CACNA1I: variants seen among roughly 807,000 people sequenced by gnomAD.
The protein encoded by CACNA1I is voltage-dependent T-type calcium channel subunit alpha-1I.
CACNA1I carries 74 observed loss-of-function variants against 201.6 expected under a neutral mutation model. The ratio of observed to expected loss-of-function variants is 0.37; its 90% CI spans 0.30 to 0.45. The LOEUF (loss-of-function observed/expected upper bound fraction) is 0.45. Ranked by LOEUF, CACNA1I falls within the 20% of genes least tolerant of loss-of-function variation. The pLI is 1.00. For missense variants in CACNA1I, 2,346 were observed against 3,138.1 expected (o/e 0.75, Z 6.03); for synonymous variants, 1,431 against 1,345.2 (o/e 1.06, Z -1.40).
At chr22:39,673,161 C>G (rs1349532420) in intron 28 of CACNA1I, 79 bp downstream of exon 28, 13 of 898,756 alleles carry the variant, frequency 1.4e-5, no homozygotes, top group Non-Finnish European at 1.7e-5. Context: ...TGAGAACACA[C>G]AGGAGTGGGG....
chr22:39,578,821 T>A (rs560013853), intron 1 of CACNA1I, among the ~76,000 whole-genome samples: 1 of 152,308 alleles, frequency 6.6e-6, no homozygotes, highest in South Asian at 2.1e-4. Context: ...TTCTTTCCCT[T>A]GGGGTCCAGT....
intron 3 of CACNA1I, among the ~76,000 whole-genome samples, chr22:39,611,591 T>C (rs527477481): frequency 6.6e-6 from 1 of 152,266 alleles, no homozygotes; most frequent in East Asian, 1.9e-4. Context: ...CCAAGACTAC[T>C]CTGGAGTAAT....
chr22:39,597,351 T>C (rs531802228), intron 1 of CACNA1I, among the ~76,000 whole-genome samples: 2 of 150,582 alleles, frequency 1.3e-5, no homozygotes, highest in African/African-American at 4.9e-5. Context: ...TGGGTAGGAG[T>C]TGGCCTGGGA....
intron 1 of CACNA1I, among the ~76,000 whole-genome samples, chr22:39,594,322 G>C (rs9623020): frequency 0.021 from 3,182 of 152,246 alleles, 104 homozygotes; most frequent in African/African-American, 0.071. Flanking sequence ...GAGGGGCAGA[G>C]GGAGCAGAGG....
rs370092336 is a variant in CACNA1I, at chr22:39,684,441, G to T, written c.5970G>T (p.Leu1990=). 53 of 1,613,434 alleles carry T rather than the reference G, an allele frequency of 3.3e-5. No individual in the cohort carries two copies. The highest frequency in any genetic ancestry group is 4.1e-5 in the Non-Finnish European group (48 of 1,179,894). Residue 1990 remains leucine, a synonymous_variant, in exon 36 of 37, where the codon CTG becomes CTT. Transcript: ENST00000402142. This position sits in a 1 kb window ranked among gnomAD's most constrained non-coding sequence, Gnocchi z 4.6. ...TGTGTLPKIA[L]QGSWASLRSP... ...CTGGAACCCTCCCCAAGATTGCGCT[G>T]CAGGGCTCCTGGGCATCTCTGCGGT...
rs867622849 is a variant in CACNA1I at position 39,577,511 on chromosome 22, C to T, written c.236+6523C>T. On this transcript the variant is annotated intron_variant, in intron 1 of 36. Transcript: ENST00000402142. Reference sequence around the variant, plus strand: ...TGCGCGTGACGAGGGTTGAGGCTGTCGAAGGAGGGGATGGCTCGTGTTCAT... The same window carrying T: ...TGCGCGTGACGAGGGTTGAGGCTGTTGAAGGAGGGGATGGCTCGTGTTCAT... Among the ~76,000 whole-genome samples the T allele has an allele frequency of 2.0e-5, 3 of 152,308 alleles. No homozygotes were observed. The South Asian group carries it at 6.2e-4, about 32-fold the overall frequency.
At chr22:39,615,966 AC>A (rs1462676869) in intron 3 of CACNA1I, among the ~76,000 whole-genome samples, 1 of 151,974 alleles carries the variant, frequency 6.6e-6, no homozygotes, top group Admixed American at 6.6e-5. Flanking sequence ...AGATCTTGAC[AC>A]CAGATTCTAC....
chr22:39,673,714 T>C (rs150826143), intron 28 of CACNA1I, among the ~76,000 whole-genome samples: 64 of 152,296 alleles, frequency 4.2e-4, no homozygotes, highest in African/African-American at 1.5e-3. Flanking sequence ...TCAGTTTCCA[T>C]GAGTATGCCC....
chr22:39,679,271 G>T lies in CACNA1I; in HGVS notation c.5220G>T (p.Ala1740=), dbSNP rs367660062. ...MKHLDDSNKE[A]QEDAEMDAEL... is the part of the protein sequence containing the mutation. Reference sequence around the variant, plus strand: ...ACCTGGACGACAGCAACAAGGAGGCGCAGGAGGACGCCGAGATGGATGCCG... The same window carrying T: ...ACCTGGACGACAGCAACAAGGAGGCTCAGGAGGACGCCGAGATGGATGCCG... Residue 1740 remains alanine (A), a synonymous_variant, in exon 32 of 37, where the codon GCG becomes GCT. Coordinates refer to ENST00000402142, the MANE Select transcript of CACNA1I (RefSeq NM_021096.4). 9.5e-6 allele frequency: 15 copies of T among 1,580,718 alleles called. No homozygotes were observed. In the African/African-American group the frequency reaches 1.1e-4, roughly 11 times the overall value.
chr22:39,664,145 G>A lies in CACNA1I; in HGVS notation c.3652G>A (p.Glu1218Lys). 6.2e-7 allele frequency: 1 copy of A among 1,613,398 alleles called. No individual in the cohort carries two copies. The highest frequency in any genetic ancestry group is 8.5e-7 in the Non-Finnish European group (1 of 1,179,624). Residue 1218 changes from glutamate to lysine, a missense_variant, in exon 20 of 37, where the codon GAG becomes AAG. By Grantham distance (56) the Glu-to-Lys change is moderately conservative. Coordinates refer to ENST00000402142, the MANE Select transcript of CACNA1I (RefSeq NM_021096.4). ...CATCTTCACGGCCATCTTCGTGGGC[G>A]AGATGACATTGAAGGTAGCTCCCGG... is the stretch of plus-strand genomic sequence containing the variant. ...NYIFTAIFVG[E>K]MTLKVVSLGL...
At chr22:39,618,974 G>A (rs1340978768) in intron 3 of CACNA1I, among the ~76,000 whole-genome samples, 1 of 152,204 alleles carries the variant, frequency 6.6e-6, no homozygotes, top group Non-Finnish European at 1.5e-5. Context: ...AGGCTGCTGT[G>A]GAAGCTGGGG....
In CACNA1I at chr22:39,636,111, T is replaced by G. The variant is rs182576776; in HGVS notation, c.740+1387T>G. 2.0e-5 allele frequency among the ~76,000 whole-genome samples: 3 copies of G among 152,302 alleles called. No homozygotes were observed. In the East Asian group the frequency reaches 5.8e-4, roughly 29 times the overall value. Reference sequence around the variant, plus strand: ...GAAGGAATAAGTGAGTAAGTGGATGTGTGAGTGCATTTACCACCCAGAGGC... The same window carrying G: ...GAAGGAATAAGTGAGTAAGTGGATGGGTGAGTGCATTTACCACCCAGAGGC... On this transcript the variant is annotated intron_variant, in intron 5 of 36. Coordinates refer to ENST00000402142, the MANE Select transcript of CACNA1I (RefSeq NM_021096.4).
intron 18 of CACNA1I, 58 bp from the exon 19 acceptor site, chr22:39,663,660 C>T: frequency 1.2e-6 from 2 of 1,605,274 alleles, no homozygotes; most frequent in Non-Finnish European, 1.7e-6. Flanking sequence ...CTCTGCCTTC[C>T]TTCTGGCCAG....
chr22:39,668,621 G>C (rs1210772216), intron 24 of CACNA1I, among the ~76,000 whole-genome samples: 1 of 152,172 alleles, frequency 6.6e-6, no homozygotes, highest in Non-Finnish European at 1.5e-5. Context: ...GTGTGAAGAG[G>C]CATCTGAGCT....
Position 39,570,799 on chromosome 22 carries a change from C to G in CACNA1I, c.47C>G (p.Ala16Gly). ...SPPSSSAAAP[A>G]AEPGVTTEQP... is the part of the protein sequence containing the mutation. ...CCCTCCTCATCTGCAGCAGCCCCAGCCGCTGAGCCAGGAGTCACCACGGAG... is the reference window on the plus strand; with the variant it reads ...CCCTCCTCATCTGCAGCAGCCCCAGGCGCTGAGCCAGGAGTCACCACGGAG... Residue 16 changes from alanine (A) to glycine (G), a missense_variant, in exon 1 of 37, where the codon GCC becomes GGC. This residue lies in a region of CACNA1I where 130 missense variants were observed against 160.7 expected (regional missense o/e 0.81). Transcript: ENST00000402142. 1 of 1,613,056 alleles carries G rather than the reference C, an allele frequency of 6.2e-7. No homozygotes were observed.
In CACNA1I at chr22:39,662,453, C is replaced by T. The variant is rs1033887230; in HGVS notation, c.3372+18C>T. On this transcript the variant is annotated intron_variant, in intron 17 of 36. Transcript: ENST00000402142. ...TCGACTACGTGAGTGGGGGCGGGGC[C>T]GAAGGGGACCTGGTGCGGTGGGATA... The T allele has an allele frequency of 9.3e-6, 13 of 1,399,950 alleles. No homozygotes were observed. In the African/African-American group the frequency reaches 1.1e-4, roughly 11 times the overall value. The allele number at this position is 1,399,950 out of a possible 1,614,324, so 86.7% of individuals were successfully genotyped here. A position where few individuals can be genotyped will look rare whatever the true frequency, so the allele number is the denominator to read the frequency against.
chr22:39,640,543 G>A (rs954626044), intron 5 of CACNA1I, among the ~76,000 whole-genome samples: 9 of 152,302 alleles, frequency 5.9e-5, no homozygotes, highest in South Asian at 2.1e-4. Flanking sequence ...CTGTCTGTGC[G>A]AACCCAACAG....
chr22:39,666,010 A>G lies in CACNA1I; in HGVS notation c.4104+4A>G, dbSNP rs1245497926. ...CAACTTCGACAACCTGGGCCAGGTGAGCACCACCGTCCTAGCCCTGATCAG... is the reference window on the plus strand; with the variant it reads ...CAACTTCGACAACCTGGGCCAGGTGGGCACCACCGTCCTAGCCCTGATCAG... On this transcript the variant is annotated splice_donor_region_variant and intron_variant, in intron 23 of 36. Transcript: ENST00000402142. This position sits in a 1 kb window ranked among gnomAD's most constrained non-coding sequence, Gnocchi z 4.1. The G allele has an allele frequency of 1.2e-6, 2 of 1,613,280 alleles. No homozygotes were observed. Among genetic ancestry groups the G allele is most frequent in the East Asian group, 2.2e-5 (1 of 44,874 alleles).
At chr22:39,598,366 G>T in intron 2 of CACNA1I, 104 bp downstream of exon 2, 1 of 569,008 alleles carries the variant, frequency 1.8e-6, no homozygotes, top group Non-Finnish European at 3.1e-6. Context: ...GCCTTGCCCC[G>T]CCCACTCCAT....
Sources: gnomAD v4.1 joint callset for allele counts (sites outside exome capture counted in the v4.1 genomes callset) on GRCh38, gnomAD v4.1.1 for gene constraint, gnomAD v4.1.1 regional missense constraint, Gnocchi (gnomAD v3.1) non-coding constraint, MANE v1.5 for transcripts, NCBI Gene and HGNC (gene_info 2026-07-23, HGNC 2026-07-21) for gene names.